Variants in RANBP3L observed in about 807,000 individuals in gnomAD.
The protein encoded by RANBP3L is ran-binding protein 3-like.
RANBP3L carries 56 observed loss-of-function variants against 67.2 expected under a neutral mutation model. That is an observed-to-expected ratio of 0.83 (90% CI 0.67 to 1.04). The LOEUF (loss-of-function observed/expected upper bound fraction) is 1.04. RANBP3L is among the 50% of genes least tolerant of loss of function. RANBP3L has a pLI of 0.00. For missense variants in RANBP3L, 496 were observed against 535.5 expected (o/e 0.93, Z 0.73); for synonymous variants, 164 against 181.4 (o/e 0.90, Z 0.77).
chr5:36,265,747 T>C (rs1311205565), intron 4 of RANBP3L, among the ~76,000 whole-genome samples: 1 of 151,916 alleles, frequency 6.6e-6, no homozygotes, highest in South Asian at 2.1e-4. Flanking sequence ...CCAAGGCGGG[T>C]GGATCACCTG....
intron 1 of RANBP3L, among the ~76,000 whole-genome samples, chr5:36,279,418 G>A (rs1750821474): frequency 6.6e-6 from 1 of 152,148 alleles, no homozygotes; most frequent in African/African-American, 2.4e-5. Context: ...ACAGAAGGAG[G>A]TGGTAGGGCC....
At chr5:36,270,075 T>A in intron 2 of RANBP3L, 85 bp from the exon 3 acceptor site, 1 of 1,225,430 alleles carries the variant, frequency 8.2e-7, no homozygotes, top group Non-Finnish European at 1.2e-6. Flanking sequence ...TTTTGGCAAT[T>A]AAAAGTAATG....
chr5:36,251,649 T>C (rs1748604611), intron 12 of RANBP3L, 150 bp from the exon 13 acceptor site: 1 of 484,718 alleles, frequency 2.1e-6, no homozygotes, highest in East Asian at 3.4e-5. Flanking sequence ...AATTAAGCAG[T>C]AAAAAGACAA....
At chr5:36,290,562 A>C (rs967583219) in intron 1 of RANBP3L, among the ~76,000 whole-genome samples, 2 of 151,864 alleles carry the variant, frequency 1.3e-5, no homozygotes, top group Admixed American at 1.3e-4. Context: ...TATTAATTTT[A>C]TTAATATTTT....
rs1385769125 is a variant in RANBP3L at position 36,255,680 on chromosome 5, A to G, written c.904-90T>C. 3.4e-5 allele frequency: 25 copies of G among 740,734 alleles called. No homozygotes were observed. In the East Asian group the frequency reaches 7.4e-4, roughly 22 times the overall value. 45.9% of individuals were successfully genotyped at this position (740,734 alleles called of 1,614,324 possible). A position where few individuals can be genotyped will look rare whatever the true frequency, so the allele number is the denominator to read the frequency against. ...TGTTATGACACGTTTATATGTGTCT[A>G]GTCTTTTACCAAAATAATCTTTGTT... On this transcript the variant is annotated intron_variant, in intron 10 of 13. Coordinates refer to ENST00000296604, the MANE Select transcript of RANBP3L (RefSeq NM_145000.5).
chr5:36,291,449 G>A (rs1422066377), intron 1 of RANBP3L, among the ~76,000 whole-genome samples: 1 of 150,608 alleles, frequency 6.6e-6, no homozygotes, highest in African/African-American at 2.4e-5. Flanking sequence ...TGCACAATGT[G>A]CAGGTTAGTT....
rs1031090798 is a variant in RANBP3L at position 36,248,111 on chromosome 5, A to G, written c.*1543T>C. Among the ~76,000 whole-genome samples, 1 of 152,148 alleles carries G rather than the reference A, an allele frequency of 6.6e-6. No individual in the cohort carries two copies. The highest frequency in any genetic ancestry group is 1.9e-4 in the East Asian group (1 of 5,194). On this transcript the variant is annotated 3_prime_UTR_variant, in exon 14 of 14. Transcript: ENST00000296604. ...ACTCTTCTTGATTTTAAAAAAGAGT[A>G]TTTCTGTTGTCCATTCTTTTTGTCC...
chr5:36,283,899 C>T (rs1034760543), intron 1 of RANBP3L, among the ~76,000 whole-genome samples: 3 of 152,064 alleles, frequency 2.0e-5, no homozygotes, highest in African/African-American at 7.2e-5. Context: ...CAGCTTCAGC[C>T]CATCCTGCCA....
At chr5:36,294,865 A>T (rs1752083482) in intron 1 of RANBP3L, among the ~76,000 whole-genome samples, 1 of 146,112 alleles carries the variant, frequency 6.8e-6, no homozygotes. Context: ...ATACTCATAC[A>T]TATATAGTGT....
At chr5:36,277,833 T>A (rs971751928) in intron 1 of RANBP3L, among the ~76,000 whole-genome samples, 4 of 151,446 alleles carry the variant, frequency 2.6e-5, no homozygotes, top group African/African-American at 9.7e-5. Context: ...GAAAAAGAGG[T>A]TTAATGGACT....
At chr5:36,274,585 G>T (rs1180990878) in intron 1 of RANBP3L, among the ~76,000 whole-genome samples, 2 of 152,138 alleles carry the variant, frequency 1.3e-5, no homozygotes, top group African/African-American at 4.8e-5. Flanking sequence ...AGTGGACAAG[G>T]GTTACAAAAC....
chr5:36,265,989 A>AG (rs1561111191), intron 4 of RANBP3L, among the ~76,000 whole-genome samples: 3 of 149,826 alleles, frequency 2.0e-5, no homozygotes, highest in African/African-American at 5.1e-5. Context: ...AAAAAAAAAA[A>AG]AAAAAAAAAA....
rs1164142353 is a variant in RANBP3L, at chr5:36,248,259, T to G, written c.*1395A>C. Among the ~76,000 whole-genome samples the G allele has an allele frequency of 6.6e-6, 1 of 152,200 alleles. No individual in the cohort carries two copies. The highest frequency in any genetic ancestry group is 6.5e-5 in the Admixed American group (1 of 15,276). Reference sequence around the variant, plus strand: ...CTTTATTTAGAAGTAAAGGATATTATGTGCCATATTTCTTCTAGAATCACT... The same window carrying G: ...CTTTATTTAGAAGTAAAGGATATTAGGTGCCATATTTCTTCTAGAATCACT... On this transcript the variant is annotated 3_prime_UTR_variant, in exon 14 of 14. Transcript: ENST00000296604.
chr5:36,260,118 C>G (rs1280713907), intron 8 of RANBP3L, among the ~76,000 whole-genome samples: 2 of 151,402 alleles, frequency 1.3e-5, no homozygotes, highest in Non-Finnish European at 1.5e-5. Context: ...CTTTGGGAAG[C>G]TGAGGTGGGC....
rs529368543 is a variant in RANBP3L at position 36,290,834 on chromosome 5, C to T, written c.91+10492G>A. ...GCAACCTCTGCCTCCCGGGTTCAAGCGATTCTCCTGCCTCAGCCTCCTGAG... is the reference window on the plus strand; with the variant it reads ...GCAACCTCTGCCTCCCGGGTTCAAGTGATTCTCCTGCCTCAGCCTCCTGAG... On this transcript the variant is annotated intron_variant, in intron 1 of 13. Transcript: ENST00000296604. 2.6e-3 allele frequency among the ~76,000 whole-genome samples: 380 copies of T among 144,244 alleles called. 2 individuals carry two copies. Among genetic ancestry groups the T allele is most frequent in the Non-Finnish European group, 4.1e-3 (271 of 66,816 alleles). 94.6% of individuals were successfully genotyped at this position (144,244 alleles called of 152,430 possible).
chr5:36,262,174 T>G, intron 6 of RANBP3L, 132 bp from the exon 7 acceptor site: 1 of 560,592 alleles, frequency 1.8e-6, no homozygotes. Flanking sequence ...AAGCATTTTA[T>G]GTACGATCTC....
At chr5:36,291,336 T>A (rs945078848) in intron 1 of RANBP3L, among the ~76,000 whole-genome samples, 3 of 151,798 alleles carry the variant, frequency 2.0e-5, no homozygotes, top group South Asian at 2.1e-4. Flanking sequence ...TTAACTTTTT[T>A]ATTTTTTAAT....
chr5:36,282,766 G>C (rs1264003925), intron 1 of RANBP3L, among the ~76,000 whole-genome samples: 1 of 152,072 alleles, frequency 6.6e-6, no homozygotes, highest in Non-Finnish European at 1.5e-5. Flanking sequence ...GGAGGGGCCT[G>C]GTCCCCATTC....
chr5:36,283,539 TACACACACAC>T (rs3086448), intron 1 of RANBP3L, among the ~76,000 whole-genome samples: 3 of 144,698 alleles, frequency 2.1e-5, no homozygotes, highest in East Asian at 2.1e-4. Flanking sequence ...TATATAAAAA[TACACACACAC>T]ACACACACAC....
Sources: allele counts gnomAD v4.1 joint callset (sites outside exome capture counted in the v4.1 genomes callset), GRCh38; gene constraint gnomAD v4.1.1; transcripts MANE v1.5; gene names NCBI Gene and HGNC (gene_info 2026-07-23, HGNC 2026-07-21).